LRP2: variants seen among roughly 807,000 people sequenced by gnomAD.
LRP2 encodes LDL receptor related protein 2, also known as low-density lipoprotein receptor-related protein 2.
In LRP2, 172 loss-of-function variants were observed where a neutral mutation model predicts 531.0. That is an observed-to-expected ratio of 0.32 (90% CI 0.29 to 0.37). The LOEUF (loss-of-function observed/expected upper bound fraction) is 0.37, where lower values mean the gene tolerates loss of function less well. Ranked by LOEUF, LRP2 falls within the 10% of genes least tolerant of loss-of-function variation. The probability of loss-of-function intolerance (pLI) is 1.00; values close to 1 mark genes in which losing one functional copy is unlikely to be tolerated. For missense variants in LRP2, 5,167 were observed against 5,868.3 expected (o/e 0.88, Z 3.90); for synonymous variants, 1,992 against 2,027.6 (o/e 0.98, Z 0.47).
Position 169,206,594 on chromosome 2 carries a change from G to T in LRP2, c.7126C>A (p.Gln2376Lys), listed in dbSNP as rs1401319496. Reference protein sequence around the residue: ...PKCDCAFGTLQSDGKNCAIST... With the variant: ...PKCDCAFGTLKSDGKNCAIST... Reference sequence around the variant, plus strand: ...ATGGCACAATTCTTGCCATCACTTTGCAGGGTCCCAAAGGCACAGTCACAT... The same window carrying T: ...ATGGCACAATTCTTGCCATCACTTTTCAGGGTCCCAAAGGCACAGTCACAT... The change falls in exon 39 of 79, where the codon CAA becomes AAA. Residue 2376 changes from glutamine (Q) to lysine (K), a missense_variant. Gln to Lys is a moderately conservative substitution (Grantham distance 53, BLOSUM62 1). Coordinates refer to ENST00000649046, the MANE Select transcript of LRP2 (RefSeq NM_004525.3). The T allele has an allele frequency of 6.2e-7, 1 of 1,614,138 alleles. No homozygotes were observed. The highest frequency in any genetic ancestry group is 8.5e-7 in the Non-Finnish European group (1 of 1,180,034).
At chr2:169,209,079 C>T (rs1292609196) in intron 38 of LRP2, among the ~76,000 whole-genome samples, 1 of 152,090 alleles carries the variant, frequency 6.6e-6, no homozygotes, top group Non-Finnish European at 1.5e-5. Flanking sequence ...CAAATGAATG[C>T]TGTTCCATAG....
In LRP2 at chr2:169,213,851, T is replaced by C; in HGVS notation, c.5846A>G (p.Asp1949Gly). 1 of 1,613,340 alleles carries C rather than the reference T, an allele frequency of 6.2e-7. No homozygotes were observed. Among genetic ancestry groups the C allele is most frequent in the Non-Finnish European group, 8.5e-7 (1 of 1,179,368 alleles). ...GRGVIERGNV[D>G]GTDRMILVHQ... ...TACCAGGATCATTCGATCTGTTCCA[T>C]CCACGTTTCCTCTTTCAATCTAAAG... The change falls in exon 36 of 79, where the codon GAT (aspartate) becomes GGT (glycine). Residue 1949 changes from aspartate (D) to glycine (G), a missense_variant. Coordinates refer to ENST00000649046, the MANE Select transcript of LRP2 (RefSeq NM_004525.3).
chr2:169,349,552 T>G (rs4668134), intron 1 of LRP2, among the ~76,000 whole-genome samples: 1 of 152,112 alleles, frequency 6.6e-6, no homozygotes, highest in Non-Finnish European at 1.5e-5. Context: ...ACACCCAGAG[T>G]TGTGCCATGC....
chr2:169,279,580 T>A lies in LRP2; in HGVS notation c.1357A>T (p.Ile453Phe), dbSNP rs767514365. 14 of 1,612,110 alleles carry A rather than the reference T, an allele frequency of 8.7e-6. No homozygotes were observed. In the South Asian group the frequency reaches 1.1e-4, roughly 13 times the overall value. The change falls in exon 12 of 79, where the codon ATT (isoleucine) becomes TTT (phenylalanine). Residue 453 changes from isoleucine to phenylalanine, a missense_variant. By Grantham distance (21) the Ile-to-Phe change is conservative. Coordinates refer to ENST00000649046, the MANE Select transcript of LRP2 (RefSeq NM_004525.3). ...ACCTCTTGGATATTTAAACCATTAATGTCAACTGAAAAAACCTGAAAGAAA... is the reference window on the plus strand; with the variant it reads ...ACCTCTTGGATATTTAAACCATTAAAGTCAACTGAAAAAACCTGAAAGAAA... Reference protein sequence around the residue: ...TVQNKVFSVDINGLNIQEVLN... With the variant: ...TVQNKVFSVDFNGLNIQEVLN...
At position 169,174,169 on chromosome 2, in the gene LRP2, G is replaced by A. The variant is rs1405608287; in HGVS notation, c.10769-5C>T. ...TGGAGTCACAGTGGTGATTCTCTGA[G>A]AGCAGGGACATTTGGTTATCAGCTT... is the stretch of plus-strand genomic sequence containing the variant. On this transcript the variant is annotated splice_region_variant and splice_polypyrimidine_tract_variant and intron_variant, in intron 55 of 78. Transcript: ENST00000649046. The A allele has an allele frequency of 2.5e-6, 4 of 1,614,106 alleles. No homozygotes were observed.
At chr2:169,326,720 T>C (rs1685072445) in intron 1 of LRP2, among the ~76,000 whole-genome samples, 1 of 149,402 alleles carries the variant, frequency 6.7e-6, no homozygotes, top group Non-Finnish European at 1.5e-5. Context: ...CTGCCCAGTC[T>C]GGAAAGTGAG....
At chr2:169,215,747 A>G (rs1688761648) in intron 35 of LRP2, among the ~76,000 whole-genome samples, 1 of 147,558 alleles carries the variant, frequency 6.8e-6, no homozygotes, top group Non-Finnish European at 1.5e-5. Context: ...TTCTATATCT[A>G]TATAGATCAT....
chr2:169,209,966 C>A (rs530921404), intron 37 of LRP2, among the ~76,000 whole-genome samples: 14 of 152,072 alleles, frequency 9.2e-5, no homozygotes, highest in African/African-American at 3.1e-4. Context: ...AGAGGTTCTC[C>A]CTGGCCAAAA....
intron 12 of LRP2, 146 bp from the exon 13 acceptor site, chr2:169,278,097 T>TG: frequency 6.2e-6 from 4 of 647,514 alleles, no homozygotes; most frequent in East Asian, 5.5e-5. Flanking sequence ...ATTAAGTTGT[T>TG]TTTTTTTTTT....
At chr2:169,225,474 A>G in intron 32 of LRP2, 21 bp from the exon 33 acceptor site, 2 of 1,613,560 alleles carry the variant, frequency 1.2e-6, no homozygotes, top group Non-Finnish European at 1.7e-6. Context: ...AGACAAGGGG[A>G]GGTGAGCAGT....
At chr2:169,156,043 T>C (rs1224587333) in intron 65 of LRP2, among the ~76,000 whole-genome samples, 2 of 152,108 alleles carry the variant, frequency 1.3e-5, no homozygotes, top group East Asian at 1.9e-4. Context: ...CACCTGGCTC[T>C]TGTTTTAATT....
intron 4 of LRP2, among the ~76,000 whole-genome samples, chr2:169,296,396 T>C (rs1018350566): frequency 1.2e-4 from 19 of 152,056 alleles, no homozygotes; most frequent in Admixed American, 6.6e-5. Context: ...TGAGATGATA[T>C]GCCTTACAAA....
chr2:169,358,850 T>A (rs1419719464), intron 1 of LRP2, among the ~76,000 whole-genome samples: 3 of 141,646 alleles, frequency 2.1e-5, no homozygotes, highest in South Asian at 2.2e-4. Flanking sequence ...TAAGTTTTTT[T>A]AATTAGTAAA....
chr2:169,292,419 A>T (rs762251580), intron 6 of LRP2, 50 bp from the exon 7 acceptor site: 2 of 1,185,618 alleles, frequency 1.7e-6, no homozygotes, highest in Admixed American at 3.4e-5. Context: ...ACCGGGAAAA[A>T]CTGAAAGTGC....
chr2:169,196,957 A>G lies in LRP2; in HGVS notation c.8652T>C (p.Asp2884=). ...GRCIPQHWYC[D]QETDCFDASD... ...AGGCATCAAAACAATCTGTTTCTTG[A>G]TCACAATACCAATGTTGAGGAATAC... The change falls in exon 46 of 79, where the codon GAT becomes GAC. Residue 2884 remains aspartate, a synonymous_variant. Coordinates refer to ENST00000649046, the MANE Select transcript of LRP2 (RefSeq NM_004525.3). The G allele has an allele frequency of 6.2e-7, 1 of 1,614,190 alleles. No homozygotes were observed. Among genetic ancestry groups the G allele is most frequent in the Non-Finnish European group, 8.5e-7 (1 of 1,180,038 alleles).
chr2:169,299,591 G>C (rs1684237387), intron 4 of LRP2, among the ~76,000 whole-genome samples: 1 of 148,984 alleles, frequency 6.7e-6, no homozygotes, highest in African/African-American at 2.5e-5. Context: ...CGAGCAACAA[G>C]ATGGAAAAAT....
Position 169,239,752 on chromosome 2 carries a change from T to C in LRP2, c.4069A>G (p.Asn1357Asp). 6.8e-6 allele frequency: 11 copies of C among 1,613,902 alleles called. No individual in the cohort carries two copies. The highest frequency in any genetic ancestry group is 9.3e-6 in the Non-Finnish European group (11 of 1,179,838). Residue 1357 changes from asparagine to aspartate, a missense_variant, in exon 26 of 79, where the codon AAT becomes GAT. Physicochemically the swap from Asn to Asp is conservative, Grantham distance 23. Coordinates refer to ENST00000649046, the MANE Select transcript of LRP2 (RefSeq NM_004525.3). ...ACACACTCGTGAGTACAACCACCAT[T>C]GAAATCTGAGCAGCTGTTCCCATCT... is the stretch of plus-strand genomic sequence containing the variant. ...LCNGNSCSDF[N>D]GGCTHECVQE...
intron 48 of LRP2, 118 bp downstream of exon 48, chr2:169,191,714 G>T: frequency 1.3e-6 from 1 of 749,170 alleles, no homozygotes; most frequent in Non-Finnish European, 2.3e-6. Flanking sequence ...ATTTTCATAA[G>T]CCACTAAAAG....
At chr2:169,348,641 T>C (rs1261514738) in intron 1 of LRP2, among the ~76,000 whole-genome samples, 1 of 152,214 alleles carries the variant, frequency 6.6e-6, no homozygotes, top group African/African-American at 2.4e-5. Flanking sequence ...GCTTATCTTT[T>C]TGTAAAAGCT....
Sources: allele counts gnomAD v4.1 joint callset (sites outside exome capture counted in the v4.1 genomes callset), GRCh38; gene constraint gnomAD v4.1.1; transcripts MANE v1.5; gene names NCBI Gene and HGNC (gene_info 2026-07-23, HGNC 2026-07-21).